The following LRRC9 variants were observed in gnomAD, a reference collection of about 807,000 sequenced individuals.
LRRC9 encodes the protein leucine rich repeat containing 9, also known as leucine-rich repeat-containing protein 9.
A neutral mutation model predicts 63.2 loss-of-function variants in LRRC9; 122 were observed. That is an observed-to-expected ratio of 1.93 (90% CI 1.67 to 2.24). LRRC9 has a LOEUF of 2.24. Ranked by LOEUF, LRRC9 falls within the 30% of genes most tolerant of loss-of-function variation. LRRC9 has a pLI of 0.00. For missense variants in LRRC9, 1,071 were observed against 627.7 expected, an observed-to-expected ratio of 1.71 and a Z score of -7.55; for synonymous variants, 366 against 213.1, an observed-to-expected ratio of 1.72 and a Z score of -6.25.
chr14:60,051,171 G>A lies in LRRC9; in HGVS notation c.3991-1894G>A, dbSNP rs1893859403. Among the ~76,000 whole-genome samples, 2 of 152,338 alleles carry A rather than the reference G, an allele frequency of 1.3e-5. No individual in the cohort carries two copies. The highest frequency in any genetic ancestry group is 4.1e-4 in the South Asian group (2 of 4,830). ...CTCCTGGACTCTCCAGAGCCAGCAG[G>A]CTGGAAAAGCTGAGTCAACCAAACA... On this transcript the variant is annotated intron_variant, in intron 29 of 31. Coordinates refer to ENST00000445360, the Ensembl canonical transcript of LRRC9. This position sits in a 1 kb window ranked among gnomAD's most constrained non-coding sequence, Gnocchi z 4.7.
chr14:60,011,725 G>T (rs755091820), intron 23 of LRRC9, among the ~76,000 whole-genome samples: 1 of 152,190 alleles, frequency 6.6e-6, no homozygotes, highest in Non-Finnish European at 1.5e-5. Context: ...GAATGCATTG[G>T]ATTTGAAGGG....
At chr14:60,050,942 C>T (rs984512998) in intron 29 of LRRC9, among the ~76,000 whole-genome samples, 26 of 152,212 alleles carry the variant, frequency 1.7e-4, no homozygotes, top group Admixed American at 9.8e-4. Flanking sequence ...TGGCAGCCTG[C>T]TCCTTCCTCT....
chr14:59,978,682 TCTC>T (rs776276896), intron 15 of LRRC9, among the ~76,000 whole-genome samples: 6 of 152,192 alleles, frequency 3.9e-5, no homozygotes, highest in African/African-American at 9.6e-5. Flanking sequence ...ATTCAACTAT[TCTC>T]CTGTTGATAT....
At position 59,948,039 on chromosome 14, in the gene LRRC9, G is replaced by A. The variant is rs370665415; in HGVS notation, c.882+3295G>A. Among the ~76,000 whole-genome samples, 155 of 143,214 alleles carry A rather than the reference G, an allele frequency of 1.1e-3. 5 individuals are homozygous for A. In the East Asian group the frequency reaches 0.029, roughly 27 times the overall value. The allele number at this position is 143,214 out of a possible 152,430, so 94.0% of individuals were successfully genotyped here. A position where few individuals can be genotyped will look rare whatever the true frequency, so the allele number is the denominator to read the frequency against. Reference sequence around the variant, plus strand: ...CTTTAAAGTAGTTTTTTCCAATTCTGTGAAGAAAGTCATTGGTAGCTTGAT... The same window carrying A: ...CTTTAAAGTAGTTTTTTCCAATTCTATGAAGAAAGTCATTGGTAGCTTGAT... On this transcript the variant is annotated intron_variant, in intron 8 of 31. Coordinates refer to ENST00000445360, the Ensembl canonical transcript of LRRC9.
Position 59,919,770 on chromosome 14 carries a change from C to G in LRRC9, c.-147C>G, listed in dbSNP as rs972625747. The G allele has an allele frequency of 2.6e-5, 4 of 152,414 alleles. No individual in the cohort carries two copies. The highest frequency in any genetic ancestry group is 5.9e-5 in the Non-Finnish European group (4 of 68,206). The allele number at this position is 152,414 out of a possible 1,614,324, so 9.4% of individuals were successfully genotyped here. A position where few individuals can be genotyped will look rare whatever the true frequency, so the allele number is the denominator to read the frequency against. On this transcript the variant is annotated 5_prime_UTR_variant, in exon 1 of 32. Coordinates refer to ENST00000445360, the Ensembl canonical transcript of LRRC9. The surrounding 1 kb of genome is among the most constrained non-coding windows in gnomAD (Gnocchi z 4.5). ...AGAGAGGCTCCGCGCTTCCAGGACC[C>G]GAGAGCTAAAGATAATGAATGGGAG... is the stretch of plus-strand genomic sequence containing the variant.
chr14:59,930,198 CA>C lies in LRRC9; in HGVS notation c.268-719del, dbSNP rs1937226428. Among the ~76,000 whole-genome samples, 2 of 151,826 alleles carry C rather than the reference CA, an allele frequency of 1.3e-5. No individual in the cohort carries two copies. On this transcript the variant is annotated intron_variant, in intron 3 of 31. Transcript: ENST00000445360. This position sits in a 1 kb window ranked among gnomAD's most constrained non-coding sequence, Gnocchi z 4.9. ...GTACTACGTAGTAATAAAATTGGTCCACTTAGACACTATTGGCTGTGTTGAA... is the reference window on the plus strand; with the variant it reads ...GTACTACGTAGTAATAAAATTGGTCCCTTAGACACTATTGGCTGTGTTGAA...
chr14:59,992,879 C>G (rs944583408), intron 17 of LRRC9, among the ~76,000 whole-genome samples: 7 of 152,222 alleles, frequency 4.6e-5, no homozygotes, highest in Non-Finnish European at 1.0e-4. Context: ...TTGGAAAACA[C>G]TCTGCAGGAT....
chr14:59,981,049 A>G (rs1429970998), intron 15 of LRRC9, among the ~76,000 whole-genome samples: 1 of 152,132 alleles, frequency 6.6e-6, no homozygotes, highest in East Asian at 1.9e-4. Flanking sequence ...TTAGTTAAAT[A>G]TCGGGTGTTC....
chr14:60,053,918 G>A lies in LRRC9; in HGVS notation c.4131+713G>A, dbSNP rs930484006. 4.4e-6 allele frequency: 2 copies of A among 455,548 alleles called. No individual in the cohort carries two copies. The highest frequency in any genetic ancestry group is 4.4e-6 in the Non-Finnish European group (1 of 226,684). The allele number at this position is 455,548 out of a possible 1,614,324, so 28.2% of individuals were successfully genotyped here. A position where few individuals can be genotyped will look rare whatever the true frequency, so the allele number is the denominator to read the frequency against. ...ATGCTGTGGTTTGAGAAAAAAAGAG[G>A]CTGGAGGGAGAAGGGAAACCAGCTC... On this transcript the variant is annotated intron_variant, in intron 30 of 31. Transcript: ENST00000445360. The surrounding 1 kb of genome is among the most constrained non-coding windows in gnomAD (Gnocchi z 4.8).
At chr14:60,062,851 A>T (rs1335437013) in intron 31 of LRRC9, among the ~76,000 whole-genome samples, 1 of 147,920 alleles carries the variant, frequency 6.8e-6, no homozygotes, top group Non-Finnish European at 1.5e-5. Flanking sequence ...TGCTGCACTG[A>T]CTCCTCCTGC....
chr14:59,961,038 G>A (rs1180904313), exon 10 of LRRC9: 4 of 672,700 alleles, frequency 5.9e-6, no homozygotes, highest in Non-Finnish European at 1.1e-5. Context: ...CACTCGATCT[G>A]ATGACTGGTA....
intron 23 of LRRC9, among the ~76,000 whole-genome samples, chr14:60,014,366 C>G (rs934003450): frequency 3.3e-5 from 5 of 152,002 alleles, no homozygotes; most frequent in Non-Finnish European, 5.9e-5. Flanking sequence ...TTTCCTCTTT[C>G]CTGGCATTCC....
chr14:60,011,345 C>A (rs1441564672), intron 23 of LRRC9, among the ~76,000 whole-genome samples: 1 of 152,294 alleles, frequency 6.6e-6, no homozygotes, highest in East Asian at 1.9e-4. Flanking sequence ...ATTCACTTAC[C>A]TCCCACTGGG....
At chr14:59,985,468 AT>A (rs1350363304) in intron 17 of LRRC9, among the ~76,000 whole-genome samples, 1 of 152,244 alleles carries the variant, frequency 6.6e-6, no homozygotes, top group Non-Finnish European at 1.5e-5. Flanking sequence ...CACCTTGAAC[AT>A]ATTCAAATTT....
exon 13 of LRRC9, chr14:59,974,579 C>T: frequency 1.6e-6 from 1 of 643,638 alleles, no homozygotes; most frequent in Non-Finnish European, 2.8e-6. Flanking sequence ...TTTGCAGCTG[C>T]CTCTCAAAAA....
intron 15 of LRRC9, among the ~76,000 whole-genome samples, chr14:59,979,468 C>T (rs1886679453): frequency 6.6e-6 from 1 of 151,926 alleles, no homozygotes; most frequent in Admixed American, 6.6e-5. Flanking sequence ...AAACATTAGC[C>T]GGCCGTGGTG....
rs115134899 is a variant in LRRC9, at chr14:60,046,682, G to A, written c.3991-6383G>A. 9.5e-3 allele frequency among the ~76,000 whole-genome samples: 1,452 copies of A among 152,210 alleles called. 27 individuals are homozygous for A. The highest frequency in any genetic ancestry group is 0.033 in the African/African-American group (1,372 of 41,544). On this transcript the variant is annotated intron_variant, in intron 29 of 31. Coordinates refer to ENST00000445360, the Ensembl canonical transcript of LRRC9. ...GCTGTTTAGGTTAGTGTAGCCTTGT[G>A]GCATAGTTTGAGGTCAAGTAGCATG...
At chr14:60,041,801 A>C (rs74859402) in intron 29 of LRRC9, among the ~76,000 whole-genome samples, 2 of 152,214 alleles carry the variant, frequency 1.3e-5, no homozygotes, top group African/African-American at 4.8e-5. Flanking sequence ...GAGGAGCTGC[A>C]TTCCTTTGGA....
downstream of LRRC9, among the ~76,000 whole-genome samples, chr14:60,066,696 T>C (rs146498837): frequency 4.8e-4 from 73 of 152,310 alleles, no homozygotes; most frequent in African/African-American, 1.6e-3. Context: ...CAGTAAGAAA[T>C]ACCACAGCTA....
Sources: gnomAD v4.1 joint callset for allele counts (sites outside exome capture counted in the v4.1 genomes callset) on GRCh38, gnomAD v4.1.1 for gene constraint, Gnocchi (gnomAD v3.1) non-coding constraint, MANE v1.5 for transcripts, NCBI Gene and HGNC (gene_info 2026-07-23, HGNC 2026-07-21) for gene names.